The following GLIS3 variants were observed in gnomAD, a reference collection of about 807,000 sequenced individuals.
GLIS3 encodes the protein GLIS family zinc finger 3, also known as zinc finger protein GLIS3.
A neutral mutation model predicts 78.6 loss-of-function variants in GLIS3; 53 were observed. The observed-to-expected ratio is 0.67, with a 90% CI of 0.54 to 0.85. GLIS3 has a LOEUF of 0.85. GLIS3 is among the 40% of genes least tolerant of loss of function. The pLI, the probability that GLIS3 is intolerant of heterozygous loss-of-function variation, is 0.00. For missense variants in GLIS3, 1,703 were observed against 1,231.1 expected (o/e 1.38, Z -5.74); for synonymous variants, 684 against 509.9 (o/e 1.34, Z -4.60).
rs547858404 is a variant in GLIS3, at chr9:4,011,221, C to T, written c.1711-74032G>A. On this transcript the variant is annotated intron_variant, in intron 4 of 10. Coordinates refer to ENST00000381971, the MANE Select transcript of GLIS3 (RefSeq NM_001042413.2). ...AAATAAATAACGTGTGCGCAGAGTA[C>T]AAAGAGGGTGGCAAGCAGCTGCTGA... 3.9e-5 allele frequency among the ~76,000 whole-genome samples: 6 copies of T among 152,164 alleles called. No individual in the cohort carries two copies. The South Asian group carries it at 1.2e-3, about 32-fold the overall frequency.
At chr9:4,447,513 C>T in the GLIS3 span, among the ~76,000 whole-genome samples, 2 of 152,058 alleles carry the variant, frequency 1.3e-5, no homozygotes, top group African/African-American at 4.8e-5. Context: ...TTCATTTATC[C>T]CATAGTATTA....
chr9:4,090,982 C>T lies in GLIS3; in HGVS notation c.1710+26786G>A, dbSNP rs549918441. Among the ~76,000 whole-genome samples the T allele has an allele frequency of 5.3e-5, 8 of 152,276 alleles. No individual in the cohort carries two copies. In the East Asian group the frequency reaches 1.5e-3, roughly 29 times the overall value. ...AAGTTCCTTGAGCAATGTATTTAAC[C>T]TCTTTGTGCCTTAGTGTCCATATAT... On this transcript the variant is annotated intron_variant, in intron 4 of 10. Transcript: ENST00000381971.
At chr9:4,178,658 A>G (rs566298422) in intron 2 of GLIS3, among the ~76,000 whole-genome samples, 1 of 152,340 alleles carries the variant, frequency 6.6e-6, no homozygotes, top group Non-Finnish European at 1.5e-5. Context: ...ACACAGGAAA[A>G]TAAAAACCCA....
the GLIS3 span, among the ~76,000 whole-genome samples, chr9:4,454,658 T>C: frequency 2.0e-5 from 3 of 152,234 alleles, no homozygotes; most frequent in African/African-American, 7.2e-5. Flanking sequence ...TCTCTATTTC[T>C]GTTTTGAAGA....
chr9:4,287,193 C>A (rs1414787055), intron 1 of GLIS3, among the ~76,000 whole-genome samples: 1 of 152,136 alleles, frequency 6.6e-6, no homozygotes, highest in Non-Finnish European at 1.5e-5. Flanking sequence ...GATACTGCAA[C>A]CTTCCACTAA....
intron 6 of GLIS3, among the ~76,000 whole-genome samples, chr9:3,904,367 G>C (rs1823519807): frequency 6.6e-6 from 1 of 152,208 alleles, no homozygotes; most frequent in Admixed American, 6.5e-5. Context: ...CTGGAATGCA[G>C]CATCAGTTCT....
intron 2 of GLIS3, among the ~76,000 whole-genome samples, chr9:4,220,620 T>C (rs906206749): frequency 6.6e-6 from 1 of 151,826 alleles, no homozygotes; most frequent in African/African-American, 2.4e-5. Context: ...AAACTGGGCA[T>C]ACTGAGGCAT....
chr9:4,100,154 A>G (rs971271369), intron 4 of GLIS3, among the ~76,000 whole-genome samples: 1 of 152,220 alleles, frequency 6.6e-6, no homozygotes, highest in Non-Finnish European at 1.5e-5. Context: ...TATATCGGTA[A>G]AAGAGTTCCT....
chr9:4,400,743 G>C, the GLIS3 span, among the ~76,000 whole-genome samples: 1 of 152,122 alleles, frequency 6.6e-6, no homozygotes, highest in African/African-American at 2.4e-5. Flanking sequence ...GTAGGATAGG[G>C]CTCTGGGCAG....
At chr9:4,360,280 C>G in the GLIS3 span, among the ~76,000 whole-genome samples, 1 of 152,128 alleles carries the variant, frequency 6.6e-6, no homozygotes, top group Admixed American at 6.5e-5. Flanking sequence ...TGAAGAGGAG[C>G]AGCAACAAAA....
At chr9:4,033,196 G>T (rs1213487296) in intron 4 of GLIS3, among the ~76,000 whole-genome samples, 1 of 152,086 alleles carries the variant, frequency 6.6e-6, no homozygotes, top group African/African-American at 2.4e-5. Context: ...GCACCAGAAT[G>T]GCACAGTGCT....
the GLIS3 span, among the ~76,000 whole-genome samples, chr9:4,429,859 T>C: frequency 6.6e-6 from 1 of 151,550 alleles, no homozygotes; most frequent in African/African-American, 2.4e-5. Flanking sequence ...CTAAAGCGGG[T>C]TTTTCATGCA....
intron 2 of GLIS3, among the ~76,000 whole-genome samples, chr9:4,228,762 T>G (rs1433548895): frequency 6.6e-6 from 1 of 152,188 alleles, no homozygotes; most frequent in Non-Finnish European, 1.5e-5. Flanking sequence ...CCTCTCTACA[T>G]ACAGCCCAAA....
the GLIS3 span, among the ~76,000 whole-genome samples, chr9:4,466,414 G>C: frequency 6.6e-6 from 1 of 152,148 alleles, no homozygotes; most frequent in Non-Finnish European, 1.5e-5. Context: ...AGAAAATAGA[G>C]AAGGAAGAAA....
the GLIS3 span, among the ~76,000 whole-genome samples, chr9:4,489,720 C>G: frequency 6.6e-6 from 1 of 152,214 alleles, no homozygotes; most frequent in African/African-American, 2.4e-5. Context: ...GTCCGGTTCT[C>G]AGTTCTAATC....
At chr9:4,233,743 T>A (rs182230316) in intron 2 of GLIS3, among the ~76,000 whole-genome samples, 317 of 152,354 alleles carry the variant, frequency 2.1e-3, no homozygotes, top group African/African-American at 7.2e-3. Flanking sequence ...AAGCCAGGCA[T>A]TGACTTCTCC....
chr9:3,846,341 G>A (rs961102520), intron 9 of GLIS3, among the ~76,000 whole-genome samples: 2 of 152,170 alleles, frequency 1.3e-5, no homozygotes, highest in Non-Finnish European at 2.9e-5. Flanking sequence ...ATACTCACTA[G>A]GTATATGAGT....
At chr9:3,831,024 C>T (rs957056328) in intron 9 of GLIS3, among the ~76,000 whole-genome samples, 4 of 151,966 alleles carry the variant, frequency 2.6e-5, no homozygotes, top group African/African-American at 9.7e-5. Context: ...ACATACTGGC[C>T]CTCTAGGAGT....
At chr9:4,241,555 A>G (rs1823314156) in intron 2 of GLIS3, among the ~76,000 whole-genome samples, 1 of 152,224 alleles carries the variant, frequency 6.6e-6, no homozygotes, top group Non-Finnish European at 1.5e-5. Context: ...ATCTTTATAA[A>G]TTATATAAAT....
Sources: gnomAD v4.1 joint callset for allele counts (sites outside exome capture counted in the v4.1 genomes callset) on GRCh38, gnomAD v4.1.1 for gene constraint, MANE v1.5 for transcripts, NCBI Gene and HGNC (gene_info 2026-07-23, HGNC 2026-07-21) for gene names.